Variants in ZFYVE9 observed in about 807,000 individuals in gnomAD.
ZFYVE9 encodes the protein zinc finger FYVE domain-containing protein 9.
In ZFYVE9, 43 loss-of-function variants were observed where a neutral mutation model predicts 126.7. The ratio of observed to expected loss-of-function variants is 0.34; its 90% CI spans 0.27 to 0.44. The LOEUF (loss-of-function observed/expected upper bound fraction) is 0.44. Among genes scored for constraint, ZFYVE9 ranks in the 20% least tolerant of loss-of-function variants. The probability of loss-of-function intolerance (pLI) is 1.00; values close to 1 mark genes in which losing one functional copy is unlikely to be tolerated. For synonymous variants in ZFYVE9, 521 were observed against 597.4 expected (o/e 0.87, Z 1.87); for missense variants, 1,476 against 1,697.0 (o/e 0.87, Z 2.29).
Position 52,346,320 on chromosome 1 carries a change from C to A in ZFYVE9, c.*99C>A. ...AACTGGAAGATTAAGCTTTTGTTAA[C>A]ACTATTAATGGGGTGGGGAATAGGG... On this transcript the variant is annotated 3_prime_UTR_variant, in exon 19 of 19. Coordinates refer to ENST00000287727, the MANE Select transcript of ZFYVE9 (RefSeq NM_004799.4). The A allele has an allele frequency of 5.1e-6, 5 of 971,434 alleles. No individual in the cohort carries two copies. Among genetic ancestry groups the A allele is most frequent in the South Asian group, 2.1e-5 (1 of 47,988 alleles). The allele number at this position is 971,434 out of a possible 1,614,324, so 60.2% of individuals were successfully genotyped here. A position where few individuals can be genotyped will look rare whatever the true frequency, so the allele number is the denominator to read the frequency against.
chr1:52,150,513 T>C (rs1644345826), intron 1 of ZFYVE9: 1 of 152,174 alleles, frequency 6.6e-6, no homozygotes, highest in Non-Finnish European at 1.5e-5. Flanking sequence ...ATGCCTGTAA[T>C]CCCAACGCTT....
intron 13 of ZFYVE9, among the ~76,000 whole-genome samples, chr1:52,323,808 G>A (rs762346245): frequency 2.0e-5 from 3 of 151,818 alleles, no homozygotes; most frequent in Non-Finnish European, 2.9e-5. Context: ...CCAGCTATTC[G>A]GGAGGCTGAG....
At chr1:52,243,532 G>A (rs576203600) in intron 4 of ZFYVE9, among the ~76,000 whole-genome samples, 70 of 152,300 alleles carry the variant, frequency 4.6e-4, no homozygotes, top group African/African-American at 1.6e-3. Flanking sequence ...CCTGCAGGAA[G>A]TAGAACAGCA....
At chr1:52,259,575 G>A (rs1304887217) in intron 4 of ZFYVE9, among the ~76,000 whole-genome samples, 1 of 150,758 alleles carries the variant, frequency 6.6e-6, no homozygotes, top group Admixed American at 6.6e-5. Flanking sequence ...ATCACTTGAG[G>A]TCAGAAGTTC....
chr1:52,160,353 A>T lies in ZFYVE9; in HGVS notation c.-143+17950A>T, dbSNP rs566316197. 37 of 1,157,198 alleles carry T rather than the reference A, an allele frequency of 3.2e-5. 2 individuals carry two copies. The South Asian group carries it at 4.4e-4, about 14-fold the overall frequency. 71.7% of individuals were successfully genotyped at this position (1,157,198 alleles called of 1,614,324 possible). Reference sequence around the variant, plus strand: ...TCAAAAGACAGATTGTGAGTCACAAATTCATCAACTTTTATCTTTTTGGAC... The same window carrying T: ...TCAAAAGACAGATTGTGAGTCACAATTTCATCAACTTTTATCTTTTTGGAC... On this transcript the variant is annotated intron_variant, in intron 1 of 18. Coordinates refer to ENST00000287727, the MANE Select transcript of ZFYVE9 (RefSeq NM_004799.4).
At chr1:52,344,543 G>C (rs1646467282) in intron 17 of ZFYVE9, among the ~76,000 whole-genome samples, 1 of 152,114 alleles carries the variant, frequency 6.6e-6, no homozygotes, top group Admixed American at 6.5e-5. Flanking sequence ...TAGGCAGGCT[G>C]CTGCTGTCAT....
intron 1 of ZFYVE9, among the ~76,000 whole-genome samples, chr1:52,196,366 G>A (rs1427797811): frequency 2.6e-5 from 4 of 152,028 alleles, no homozygotes; most frequent in South Asian, 4.2e-4. Flanking sequence ...TAAGTTGGCC[G>A]GGCTCACGCC....
chr1:52,334,637 T>A (rs370561423), intron 14 of ZFYVE9, 51 bp from the exon 15 acceptor site: 17 of 1,554,344 alleles, frequency 1.1e-5, no homozygotes, highest in Non-Finnish European at 1.5e-5. Context: ...TTATTTTCAA[T>A]CCCTCCAGCT....
At chr1:52,160,671 C>A in intron 1 of ZFYVE9, 1 of 584,108 alleles carries the variant, frequency 1.7e-6, no homozygotes, top group Non-Finnish European at 3.1e-6. Flanking sequence ...GCGTCGGCCT[C>A]CTGCAGTGCT....
chr1:52,302,589 A>G (rs1290192052), intron 12 of ZFYVE9, among the ~76,000 whole-genome samples: 1 of 152,084 alleles, frequency 6.6e-6, no homozygotes, highest in African/African-American at 2.4e-5. Context: ...CATCTCTACT[A>G]AAAATACAAA....
chr1:52,164,526 A>G lies in ZFYVE9; in HGVS notation c.-143+22123A>G, dbSNP rs79391395. Among the ~76,000 whole-genome samples, 739 of 152,100 alleles carry G rather than the reference A, an allele frequency of 4.9e-3. 6 individuals are homozygous for G. Among genetic ancestry groups the G allele is most frequent in the African/African-American group, 0.017 (708 of 41,410 alleles). On this transcript the variant is annotated intron_variant, in intron 1 of 18. Transcript: ENST00000287727. ...ACTGCGCCAAGCCGACAATGAGTAT[A>G]TATCTTTATACATCTATCTATCTAT...
intron 1 of ZFYVE9, among the ~76,000 whole-genome samples, chr1:52,214,623 T>C (rs1645055722): frequency 6.6e-6 from 1 of 152,088 alleles, no homozygotes; most frequent in African/African-American, 2.4e-5. Flanking sequence ...GTAATATTAT[T>C]TGTATTAGGG....
At chr1:52,158,713 C>G (rs1572062318) in intron 1 of ZFYVE9, among the ~76,000 whole-genome samples, 2 of 152,266 alleles carry the variant, frequency 1.3e-5, no homozygotes, top group East Asian at 3.9e-4. Flanking sequence ...AAAGAGCCCT[C>G]TGACCTTCAC....
chr1:52,255,188 G>A (rs1645491972), intron 4 of ZFYVE9, among the ~76,000 whole-genome samples: 1 of 151,966 alleles, frequency 6.6e-6, no homozygotes, highest in Non-Finnish European at 1.5e-5. Flanking sequence ...AAATGCTTAT[G>A]ATGACATATG....
At chr1:52,200,513 G>A (rs1267315086) in intron 1 of ZFYVE9, among the ~76,000 whole-genome samples, 1 of 152,068 alleles carries the variant, frequency 6.6e-6, no homozygotes, top group African/African-American at 2.4e-5. Context: ...TAGTGAAGGT[G>A]CACCTTATCA....
intron 1 of ZFYVE9, chr1:52,163,089 C>T (rs527476289): frequency 1.9e-5 from 4 of 207,464 alleles, no homozygotes; most frequent in South Asian, 1.4e-4. Context: ...TTGTACTTTG[C>T]GTATTCTTCC....
chr1:52,216,791 C>T (rs1350367258), intron 2 of ZFYVE9, among the ~76,000 whole-genome samples: 1 of 152,108 alleles, frequency 6.6e-6, no homozygotes, highest in Non-Finnish European at 1.5e-5. Context: ...TAAGCTCATG[C>T]AAGAGCTAAA....
At chr1:52,291,972 C>CA (rs149064285) in intron 10 of ZFYVE9, among the ~76,000 whole-genome samples, 1 of 150,440 alleles carries the variant, frequency 6.6e-6, no homozygotes, top group Non-Finnish European at 1.5e-5. Context: ...ATATTTGTCT[C>CA]AAAAAATTAT....
rs140984130 is a variant in ZFYVE9 at position 52,208,563 on chromosome 1, G to A, written c.-142-7806G>A. On this transcript the variant is annotated intron_variant, in intron 1 of 18. Transcript: ENST00000287727. ...GTTGCCCAGGCTGGAGTGCAATGGC[G>A]TGATCTTGGCCTGGCGCGATCTCAG... 5.7e-3 allele frequency among the ~76,000 whole-genome samples: 862 copies of A among 150,460 alleles called. 5 individuals carry two copies. Among genetic ancestry groups the A allele is most frequent in the African/African-American group, 0.02 (827 of 40,784 alleles).
Sources: gnomAD v4.1 joint callset for allele counts (sites outside exome capture counted in the v4.1 genomes callset) on GRCh38, gnomAD v4.1.1 for gene constraint, MANE v1.5 for transcripts, NCBI Gene and HGNC (gene_info 2026-07-23, HGNC 2026-07-21) for gene names.